RELN: variants seen among roughly 807,000 people sequenced by gnomAD.
RELN encodes reelin.
In RELN, 108 loss-of-function variants were observed where a neutral mutation model predicts 427.6. That is an observed-to-expected ratio of 0.25 (90% CI 0.22 to 0.30). RELN has a LOEUF of 0.30. RELN is among the 10% of genes least tolerant of loss of function. RELN has a pLI of 1.00. For synonymous variants in RELN, 1,524 were observed against 1,513.4 expected (o/e 1.01, Z -0.16); for missense variants, 3,715 against 4,302.8 (o/e 0.86, Z 3.82).
chr7:103,946,098 G>A (rs770055174), intron 1 of RELN, among the ~76,000 whole-genome samples: 15 of 152,160 alleles, frequency 9.9e-5, no homozygotes, highest in African/African-American at 1.9e-4. Flanking sequence ...ATAAAGCACT[G>A]ACTGTGTTTG....
intron 31 of RELN, among the ~76,000 whole-genome samples, chr7:103,571,584 G>A (rs754938946): frequency 6.6e-5 from 10 of 152,046 alleles, no homozygotes; most frequent in Non-Finnish European, 1.0e-4. Context: ...TTGACCTTTC[G>A]GTGCCTCAGT....
At position 103,636,387 on chromosome 7, in the gene RELN, A is replaced by C; in HGVS notation, c.2151T>G (p.Ser717Arg). ...AGTTATGGTAAGAGGAGAGCCTGGA[A>C]CTGCCAAAGCTTTCAGAAATAAACA... ...FPMFISESFG[S>R]SRLSSYHNFY... is the part of the protein sequence containing the mutation. The change falls in exon 18 of 65, where the codon AGT (serine) becomes AGG (arginine). Residue 717 changes from serine (S) to arginine (R), a missense_variant. This residue lies in a region of RELN where 2,208 missense variants were observed against 2,361.7 expected (regional missense o/e 0.93). Coordinates refer to ENST00000428762, the MANE Select transcript of RELN (RefSeq NM_005045.4). 6.2e-7 allele frequency: 1 copy of C among 1,614,028 alleles called. No individual in the cohort carries two copies. The highest frequency in any genetic ancestry group is 1.7e-4 in the Middle Eastern group (1 of 6,060).
chr7:103,760,194 C>A (rs1388219366), intron 4 of RELN, among the ~76,000 whole-genome samples: 1 of 151,352 alleles, frequency 6.6e-6, no homozygotes. Flanking sequence ...TAAATTGAAG[C>A]CTAAATTCCT....
At chr7:103,977,406 G>A (rs1045208779) in intron 1 of RELN, among the ~76,000 whole-genome samples, 8 of 151,784 alleles carry the variant, frequency 5.3e-5, no homozygotes, top group African/African-American at 1.2e-4. Flanking sequence ...CCTGTACGAG[G>A]AGAGGTCACC....
intron 34 of RELN, among the ~76,000 whole-genome samples, chr7:103,564,747 C>T (rs141975893): frequency 0.011 from 1,704 of 152,038 alleles, 10 homozygotes; most frequent in Middle Eastern, 0.044. Context: ...CCCGTTAGTT[C>T]CCAGAAACAT....
At chr7:103,831,571 ATTTAAAACAGGTC>A (rs1793274852) in intron 3 of RELN, among the ~76,000 whole-genome samples, 1 of 152,196 alleles carries the variant, frequency 6.6e-6, no homozygotes, top group African/African-American at 2.4e-5. Flanking sequence ...AAGAGTTGGC[ATTTAAAACAGGTC>A]TTGAATAGGT....
rs183181598 is a variant in RELN, at chr7:103,974,154, G to A, written c.226+14977C>T. ...CAAGACTCCATCTCAAAAAGTAAAT[G>A]AATAAATAAATAAATAGTACTTAAC... On this transcript the variant is annotated intron_variant, in intron 1 of 64. Transcript: ENST00000428762. 4.6e-4 allele frequency among the ~76,000 whole-genome samples: 70 copies of A among 151,884 alleles called. 1 individual carries two copies. Among genetic ancestry groups the A allele is most frequent in the African/African-American group, 1.4e-3 (60 of 41,408 alleles).
chr7:103,937,450 G>C (rs1236428406), intron 1 of RELN, among the ~76,000 whole-genome samples: 2 of 152,154 alleles, frequency 1.3e-5, no homozygotes, highest in African/African-American at 4.8e-5. Context: ...TATTATCCCT[G>C]ATAAGGTCAT....
chr7:103,786,517 C>CAAAAA (rs66567252), intron 3 of RELN, among the ~76,000 whole-genome samples: 4 of 98,580 alleles, frequency 4.1e-5, no homozygotes, highest in Non-Finnish European at 6.1e-5. Flanking sequence ...AAAATGGAAC[C>CAAAAA]AAAAAAAAAA....
chr7:103,803,688 T>C (rs1413035038), intron 3 of RELN, among the ~76,000 whole-genome samples: 1 of 152,130 alleles, frequency 6.6e-6, no homozygotes, highest in Non-Finnish European at 1.5e-5. Flanking sequence ...TAGAGGCTTA[T>C]ACAGTTTTTC....
Position 103,612,311 on chromosome 7 carries a change from C to CT in RELN, c.2703-509dup, listed in dbSNP as rs772526302. 3.6e-3 allele frequency among the ~76,000 whole-genome samples: 509 copies of CT among 142,734 alleles called. 2 individuals are homozygous for CT. Among genetic ancestry groups the CT allele is most frequent in the African/African-American group, 8.6e-3 (337 of 39,274 alleles). The allele number at this position is 142,734 out of a possible 152,430, so 93.6% of individuals were successfully genotyped here. On this transcript the variant is annotated intron_variant, in intron 20 of 64. Coordinates refer to ENST00000428762, the MANE Select transcript of RELN (RefSeq NM_005045.4). ...TTAAAATGTATATGATTAAATAAGC[C>CT]TTTTTTTTTTTTTTGAGACGGAGTT... is the stretch of plus-strand genomic sequence containing the variant.
intron 2 of RELN, among the ~76,000 whole-genome samples, chr7:103,914,178 CTTTG>C (rs1245972888): frequency 6.6e-5 from 10 of 152,084 alleles, no homozygotes; most frequent in African/African-American, 2.4e-4. Context: ...CAATTTTATT[CTTTG>C]TTTGTTTGTC....
At position 103,566,747 on chromosome 7, in the gene RELN, T is replaced by TGAACAATAA. The variant is rs1830762398; in HGVS notation, c.4592_4600dup (p.Leu1531_Val1533dup). ...GAGTATCCCATTGTCATTTGAATACTGAACAATAAGCCCTGAGTTAAAAGA... is the reference window on the plus strand; with the variant it reads ...GAGTATCCCATTGTCATTTGAATACTGAACAATAAGAACAATAAGCCCTGAGTTAAAAGA... On this transcript the variant is annotated inframe_insertion, in exon 32 of 65. Transcript: ENST00000428762. 1 of 1,613,936 alleles carries TGAACAATAA rather than the reference T, an allele frequency of 6.2e-7. No homozygotes were observed. Among genetic ancestry groups the TGAACAATAA allele is most frequent in the Admixed American group, 1.7e-5 (1 of 59,998 alleles).
At position 103,640,692 on chromosome 7, in the gene RELN, T is replaced by C; in HGVS notation, c.2003-83A>G. ...TTTGTGAAGTAATACTCATGAAATA[T>C]GGCCCCTTGTGTGTATGTTGTGTGC... On this transcript the variant is annotated intron_variant, in intron 16 of 64. Coordinates refer to ENST00000428762, the MANE Select transcript of RELN (RefSeq NM_005045.4). This position sits in a 1 kb window ranked among gnomAD's most constrained non-coding sequence, Gnocchi z 4.1. 4.4e-6 allele frequency: 6 copies of C among 1,368,292 alleles called. No homozygotes were observed. Among genetic ancestry groups the C allele is most frequent in the South Asian group, 2.4e-5 (2 of 82,420 alleles). 84.8% of individuals were successfully genotyped at this position (1,368,292 alleles called of 1,614,324 possible).
At chr7:103,907,769 T>C (rs1795246779) in intron 2 of RELN, among the ~76,000 whole-genome samples, 1 of 87,210 alleles carries the variant, frequency 1.1e-5, no homozygotes, top group East Asian at 3.7e-4. Flanking sequence ...AGCCTGTTTT[T>C]TTTTCTTTTT....
At chr7:103,766,518 C>A (rs1187426953) in intron 4 of RELN, among the ~76,000 whole-genome samples, 2 of 152,160 alleles carry the variant, frequency 1.3e-5, no homozygotes, top group African/African-American at 2.4e-5. Context: ...ATCTGATCTA[C>A]AATTTTTACA....
intron 45 of RELN, among the ~76,000 whole-genome samples, chr7:103,536,343 T>C (rs1280340346): frequency 6.6e-6 from 1 of 152,218 alleles, no homozygotes; most frequent in African/African-American, 2.4e-5. Context: ...ATTCACTTTA[T>C]AAGCTGCCTA....
rs565783284 is a variant in RELN, at chr7:103,490,900, G to C, written c.9444-71C>G. ...TATAATCTGTTAATGTCAAGGTAAT[G>C]CTTTGTGATCGGGTTAAATTAAAAT... On this transcript the variant is annotated intron_variant, in intron 58 of 64. Transcript: ENST00000428762. 323 of 1,487,874 alleles carry C rather than the reference G, an allele frequency of 2.2e-4. 4 individuals carry two copies. The South Asian group carries it at 3.4e-3, about 16-fold the overall frequency. 92.2% of individuals were successfully genotyped at this position (1,487,874 alleles called of 1,614,324 possible). A position where few individuals can be genotyped will look rare whatever the true frequency, so the allele number is the denominator to read the frequency against.
At chr7:103,882,035 C>A (rs534022534) in intron 2 of RELN, among the ~76,000 whole-genome samples, 1 of 152,126 alleles carries the variant, frequency 6.6e-6, no homozygotes, top group Non-Finnish European at 1.5e-5. Context: ...AATGAATGAG[C>A]GAGTCCATCA....
Sources: allele counts gnomAD v4.1 joint callset (sites outside exome capture counted in the v4.1 genomes callset), GRCh38; gene constraint gnomAD v4.1.1; regional missense constraint gnomAD v4.1.1; non-coding constraint Gnocchi (gnomAD v3.1); transcripts MANE v1.5; gene names NCBI Gene and HGNC (gene_info 2026-07-23, HGNC 2026-07-21).